KIAA0930: variants seen among roughly 807,000 people sequenced by gnomAD.
KIAA0930 encodes KIAA0930.
In KIAA0930, 24 loss-of-function variants were observed where a neutral mutation model predicts 43.9. The ratio of observed to expected loss-of-function variants is 0.55; its 90% CI spans 0.40 to 0.77. The LOEUF is 0.77. Ranked by LOEUF, KIAA0930 falls within the 30% of genes least tolerant of loss-of-function variation. The probability of loss-of-function intolerance (pLI) is 0.00; values close to 1 mark genes in which losing one functional copy is unlikely to be tolerated. For missense variants in KIAA0930, 461 were observed against 574.2 expected, an observed-to-expected ratio of 0.80 and a Z score of 2.02; for synonymous variants, 259 against 216.4, an observed-to-expected ratio of 1.20 and a Z score of -1.73.
chr22:45,209,613 C>CACCA (rs1269397551), intron 2 of KIAA0930, among the ~76,000 whole-genome samples: 2 of 152,180 alleles, frequency 1.3e-5, no homozygotes, highest in Non-Finnish European at 2.9e-5. Context: ...GCACTCCCCC[C>CACCA]ACCACCGCCG....
chr22:45,216,676 C>G (rs1601819270), intron 1 of KIAA0930, among the ~76,000 whole-genome samples: 1 of 152,136 alleles, frequency 6.6e-6, no homozygotes, highest in East Asian at 1.9e-4. Flanking sequence ...GCCCCGGGAG[C>G]TGCTAGTCCA....
intron 1 of KIAA0930, among the ~76,000 whole-genome samples, chr22:45,227,722 A>G (rs141014168): frequency 6.6e-6 from 1 of 152,250 alleles, no homozygotes; most frequent in African/African-American, 2.4e-5. Flanking sequence ...TCCCCGGGAG[A>G]GAACGGGCCC....
intron 4 of KIAA0930, 62 bp from the exon 5 acceptor site, chr22:45,205,380 G>A (rs1841766479): frequency 2.1e-6 from 3 of 1,451,228 alleles, no homozygotes; most frequent in Non-Finnish European, 9.6e-7. Flanking sequence ...CCCAGAGCCA[G>A]TCCAAGCCAG....
At chr22:45,222,656 C>G (rs985093727) in intron 1 of KIAA0930, among the ~76,000 whole-genome samples, 4 of 151,744 alleles carry the variant, frequency 2.6e-5, no homozygotes, top group Non-Finnish European at 4.4e-5. Context: ...CCCGCCCCCC[C>G]ACCACCACAC....
intron 1 of KIAA0930, among the ~76,000 whole-genome samples, chr22:45,213,710 C>A (rs2083714022): frequency 6.6e-6 from 1 of 152,244 alleles, no homozygotes; most frequent in Non-Finnish European, 1.5e-5. Context: ...TAAATTTGGT[C>A]TTTAAAAACC....
At chr22:45,211,516 T>C (rs2083692973) in intron 2 of KIAA0930, 6 of 440,342 alleles carry the variant, frequency 1.4e-5, no homozygotes, top group Non-Finnish European at 2.0e-5. Context: ...CAGCACTGTG[T>C]CTAGATGATG....
At chr22:45,230,430 A>G (rs2083845393) in intron 1 of KIAA0930, among the ~76,000 whole-genome samples, 1 of 152,174 alleles carries the variant, frequency 6.6e-6, no homozygotes, top group African/African-American at 2.4e-5. Flanking sequence ...TCCCTGAAGC[A>G]GGTCATGAGA....
intron 1 of KIAA0930, among the ~76,000 whole-genome samples, chr22:45,215,372 G>C (rs778497342): frequency 2.6e-5 from 4 of 152,202 alleles, no homozygotes; most frequent in Non-Finnish European, 4.4e-5. Context: ...CGATATGCTA[G>C]AGAACAAAAC....
At position 45,195,291 on chromosome 22, in the gene KIAA0930, C is replaced by T. The variant is rs879608346; in HGVS notation, c.*1885G>A. On this transcript the variant is annotated 3_prime_UTR_variant, in exon 10 of 10. Coordinates refer to ENST00000336156, the MANE Select transcript of KIAA0930 (RefSeq NM_001009880.2). ...AGAACAGAGGGCGGGCCGCTGTGCT[C>T]CTCACAACCTGGACTGCCTCATCTT... 1.3e-5 allele frequency: 2 copies of T among 152,266 alleles called. No homozygotes were observed. Among genetic ancestry groups the T allele is most frequent in the Non-Finnish European group, 2.9e-5 (2 of 68,068 alleles). 9.4% of individuals were successfully genotyped at this position (152,266 alleles called of 1,614,324 possible). A position where few individuals can be genotyped will look rare whatever the true frequency, so the allele number is the denominator to read the frequency against.
chr22:45,209,464 C>T (rs1222460930), intron 2 of KIAA0930, among the ~76,000 whole-genome samples: 1 of 152,214 alleles, frequency 6.6e-6, no homozygotes, highest in Non-Finnish European at 1.5e-5. Context: ...TCTCCATCGG[C>T]CTAGTCTGGC....
In KIAA0930 at chr22:45,210,645, C is replaced by T. The variant is rs560848983; in HGVS notation, c.216+1311G>A. On this transcript the variant is annotated intron_variant, in intron 2 of 9. Coordinates refer to ENST00000336156, the MANE Select transcript of KIAA0930 (RefSeq NM_001009880.2). ...CTCTCGATTGTACACCCAGACAGGG[C>T]GGGCGTGGCAGCAGGTTCTGAGGAG... is the stretch of plus-strand genomic sequence containing the variant. 2.6e-4 allele frequency among the ~76,000 whole-genome samples: 40 copies of T among 151,062 alleles called. 1 individual carries two copies. The South Asian group carries it at 4.4e-3, about 17-fold the overall frequency.
intron 2 of KIAA0930, among the ~76,000 whole-genome samples, chr22:45,209,708 G>T (rs2083675785): frequency 6.6e-6 from 1 of 152,228 alleles, no homozygotes; most frequent in African/African-American, 2.4e-5. Flanking sequence ...ACTGAGGCCA[G>T]ATATGAGTCA....
intron 1 of KIAA0930, among the ~76,000 whole-genome samples, chr22:45,212,979 C>T (rs890069071): frequency 2.0e-5 from 3 of 152,192 alleles, no homozygotes; most frequent in Admixed American, 2.0e-4. Context: ...CTTATCAACT[C>T]AGTAGATTAA....
chr22:45,229,642 C>T (rs1004434656), intron 1 of KIAA0930, among the ~76,000 whole-genome samples: 3 of 152,334 alleles, frequency 2.0e-5, no homozygotes, highest in Non-Finnish European at 4.4e-5. Context: ...CCCTCTCCGC[C>T]AACAACGGGT....
chr22:45,231,449 C>T (rs1184531993), intron 1 of KIAA0930, among the ~76,000 whole-genome samples: 1 of 152,004 alleles, frequency 6.6e-6, no homozygotes, highest in Non-Finnish European at 1.5e-5. Context: ...GATGTCTGGG[C>T]TTGTCCCAGC....
rs983978382 is a variant in KIAA0930, at chr22:45,195,084, G to C, written c.*2092C>G. On this transcript the variant is annotated 3_prime_UTR_variant, in exon 10 of 10. Transcript: ENST00000336156. ...TTGTACACGTTTCTGTGACCAGCGAGCCCTTTCACACATCACTGTGACTGG... is the reference window on the plus strand; with the variant it reads ...TTGTACACGTTTCTGTGACCAGCGACCCCTTTCACACATCACTGTGACTGG... 1 of 152,268 alleles carries C rather than the reference G, an allele frequency of 6.6e-6. No individual in the cohort carries two copies. Among genetic ancestry groups the C allele is most frequent in the African/African-American group, 2.4e-5 (1 of 41,458 alleles). The allele number at this position is 152,268 out of a possible 1,614,324, so 9.4% of individuals were successfully genotyped here. A position where few individuals can be genotyped will look rare whatever the true frequency, so the allele number is the denominator to read the frequency against.
intron 2 of KIAA0930, among the ~76,000 whole-genome samples, chr22:45,206,226 A>G (rs565646064): frequency 1.1e-4 from 17 of 152,180 alleles, no homozygotes; most frequent in Non-Finnish European, 2.2e-4. Flanking sequence ...CATGTTGTCC[A>G]GGCTGGTCTT....
intron 1 of KIAA0930, among the ~76,000 whole-genome samples, chr22:45,221,886 A>G (rs2083769952): frequency 6.6e-6 from 1 of 152,126 alleles, no homozygotes; most frequent in Admixed American, 6.5e-5. Context: ...AGGCATGCGC[A>G]ACCACGCCAG....
In KIAA0930 at chr22:45,205,327, A is replaced by C; in HGVS notation, c.415-9T>G. 1 of 1,612,846 alleles carries C rather than the reference A, an allele frequency of 6.2e-7. No individual in the cohort carries two copies. The highest frequency in any genetic ancestry group is 8.5e-7 in the Non-Finnish European group (1 of 1,178,882). ...GGGGACGCGAACACTTGCTGGAAGA[A>C]AGCAGATTTGGAGGACAAGTGAGGC... On this transcript the variant is annotated splice_polypyrimidine_tract_variant and intron_variant, in intron 4 of 9. Transcript: ENST00000336156.
Sources: allele counts gnomAD v4.1 joint callset (sites outside exome capture counted in the v4.1 genomes callset), GRCh38; gene constraint gnomAD v4.1.1; transcripts MANE v1.5; gene names NCBI Gene and HGNC (gene_info 2026-07-23, HGNC 2026-07-21).